The following KIF26B variants were observed in gnomAD, a reference collection of about 807,000 sequenced individuals.
KIF26B encodes kinesin-like protein KIF26B.
Under a neutral mutation model 151.2 loss-of-function variants are expected in KIF26B, and 63 were observed. The ratio of observed to expected loss-of-function variants is 0.42; its 90% CI spans 0.34 to 0.51. KIF26B has a LOEUF of 0.51. KIF26B is among the 20% of genes least tolerant of loss of function. The probability of loss-of-function intolerance (pLI) is 0.07; values close to 1 mark genes in which losing one functional copy is unlikely to be tolerated. For synonymous variants in KIF26B, 1,357 were observed against 1,262.1 expected, an observed-to-expected ratio of 1.08 and a Z score of -1.59; for missense variants, 2,813 against 2,913.6, an observed-to-expected ratio of 0.97 and a Z score of 0.79.
At chr1:245,314,792 C>T (rs948427676) in intron 2 of KIF26B, among the ~76,000 whole-genome samples, 3 of 152,188 alleles carry the variant, frequency 2.0e-5, no homozygotes, top group Non-Finnish European at 4.4e-5. Flanking sequence ...GAAGAAACGT[C>T]TTACATTTTC....
chr1:245,487,106 G>A (rs371139006), intron 4 of KIF26B, among the ~76,000 whole-genome samples: 89 of 152,128 alleles, frequency 5.9e-4, no homozygotes, highest in African/African-American at 2.1e-3. Context: ...GAATGGGGGG[G>A]GTGGTTAGAG....
chr1:245,665,338 T>A (rs1459323288), intron 10 of KIF26B, among the ~76,000 whole-genome samples: 3 of 152,086 alleles, frequency 2.0e-5, no homozygotes, highest in Non-Finnish European at 2.9e-5. Flanking sequence ...ACTGGAGTAC[T>A]TTTTTTGTAG....
At chr1:245,421,235 G>A (rs1658481336) in intron 4 of KIF26B, among the ~76,000 whole-genome samples, 1 of 152,168 alleles carries the variant, frequency 6.6e-6, no homozygotes, top group African/African-American at 2.4e-5. Context: ...AAGCTCCTAG[G>A]AGGTTATTAG....
intron 9 of KIF26B, among the ~76,000 whole-genome samples, chr1:245,635,249 G>T (rs1449317920): frequency 2.0e-5 from 3 of 151,878 alleles, no homozygotes; most frequent in African/African-American, 7.3e-5. Flanking sequence ...ATTCACCAGT[G>T]CCTCCATCTG....
At chr1:245,309,503 G>T (rs1023914558) in intron 2 of KIF26B, among the ~76,000 whole-genome samples, 1 of 151,910 alleles carries the variant, frequency 6.6e-6, no homozygotes, top group Non-Finnish European at 1.5e-5. Flanking sequence ...GACGCCATCG[G>T]GTCTCCTGGT....
At chr1:245,309,263 C>A (rs1488824367) in intron 2 of KIF26B, among the ~76,000 whole-genome samples, 5 of 152,058 alleles carry the variant, frequency 3.3e-5, no homozygotes, top group Non-Finnish European at 7.4e-5. Context: ...CGCGGGATGC[C>A]CAGATATTTG....
rs1170038639 is a variant in KIF26B, at chr1:245,318,476, T to C, written c.466-48358T>C. On this transcript the variant is annotated intron_variant, in intron 2 of 14. Coordinates refer to ENST00000407071, the MANE Select transcript of KIF26B (RefSeq NM_018012.4). This position sits in a 1 kb window ranked among gnomAD's most constrained non-coding sequence, Gnocchi z 4.0. ...TTGCCCTGAGGAATATACAAGTTGA[T>C]AGGGCTACTTGCCTTCTTGCTCATT... Among the ~76,000 whole-genome samples the C allele has an allele frequency of 6.6e-6, 1 of 152,180 alleles. No individual in the cohort carries two copies. Among genetic ancestry groups the C allele is most frequent in the African/African-American group, 2.4e-5 (1 of 41,448 alleles).
intron 2 of KIF26B, among the ~76,000 whole-genome samples, chr1:245,270,956 A>G (rs35758555): frequency 0.066 from 9,993 of 152,236 alleles, 375 homozygotes; most frequent in African/African-American, 0.086. Context: ...TAAGGATCCA[A>G]TGCTTCTTTT....
At position 245,218,105 on chromosome 1, in the gene KIF26B, T is replaced by C. The variant is rs1669685288; in HGVS notation, c.465+61422T>C. Among the ~76,000 whole-genome samples, 1 of 152,232 alleles carries C rather than the reference T, an allele frequency of 6.6e-6. No homozygotes were observed. The highest frequency in any genetic ancestry group is 1.5e-5 in the Non-Finnish European group (1 of 68,032). On this transcript the variant is annotated intron_variant, in intron 2 of 14. Coordinates refer to ENST00000407071, the MANE Select transcript of KIF26B (RefSeq NM_018012.4). The surrounding 1 kb of genome is among the most constrained non-coding windows in gnomAD (Gnocchi z 4.1). ...AAGAGAGCCCACCTACAGTCCAGCA[T>C]GTCTGGATCCTGTGCAGCGGGCAGA...
intron 2 of KIF26B, among the ~76,000 whole-genome samples, chr1:245,266,828 T>C (rs940971461): frequency 2.0e-5 from 3 of 152,180 alleles, no homozygotes; most frequent in African/African-American, 7.2e-5. Flanking sequence ...TCTAATTGTG[T>C]GCCCCTGAGC....
chr1:245,428,756 G>C (rs918322414), intron 4 of KIF26B, among the ~76,000 whole-genome samples: 1 of 152,090 alleles, frequency 6.6e-6, no homozygotes, highest in Non-Finnish European at 1.5e-5. Context: ...TCTGACTGGC[G>C]GCCGGTTGGG....
chr1:245,236,118 CG>C (rs1670105152), intron 2 of KIF26B, among the ~76,000 whole-genome samples: 1 of 151,954 alleles, frequency 6.6e-6, no homozygotes, highest in South Asian at 2.1e-4. Context: ...TTAGTCGAGA[CG>C]GGGTTTCACC....
At chr1:245,192,000 A>C (rs758632491) in intron 2 of KIF26B, among the ~76,000 whole-genome samples, 5 of 152,200 alleles carry the variant, frequency 3.3e-5, no homozygotes, top group Non-Finnish European at 7.3e-5. Context: ...TGAACCTTAA[A>C]ATTATTCTTA....
At chr1:245,317,308 C>A (rs1334007908) in intron 2 of KIF26B, among the ~76,000 whole-genome samples, 1 of 152,192 alleles carries the variant, frequency 6.6e-6, no homozygotes, top group Non-Finnish European at 1.5e-5. Context: ...ATATCCCTTA[C>A]ATTTTTCTTG....
chr1:245,215,636 T>A lies in KIF26B; in HGVS notation c.465+58953T>A, dbSNP rs1188245455. ...CCCAGGCCTTATGCTGGGCTCGGGGTGTGGAAAATGGAATCGAAGCTGGTC... is the reference window on the plus strand; with the variant it reads ...CCCAGGCCTTATGCTGGGCTCGGGGAGTGGAAAATGGAATCGAAGCTGGTC... On this transcript the variant is annotated intron_variant, in intron 2 of 14. Transcript: ENST00000407071. 3.3e-5 allele frequency among the ~76,000 whole-genome samples: 5 copies of A among 151,946 alleles called. No homozygotes were observed. The East Asian group carries it at 9.7e-4, about 29-fold the overall frequency.
intron 2 of KIF26B, among the ~76,000 whole-genome samples, chr1:245,329,599 C>T (rs1471653498): frequency 2.0e-5 from 3 of 152,128 alleles, no homozygotes; most frequent in Admixed American, 1.3e-4. Context: ...TGGCTGGAGG[C>T]CGCCATGACA....
At chr1:245,272,499 T>C (rs1382236992) in intron 2 of KIF26B, among the ~76,000 whole-genome samples, 1 of 151,952 alleles carries the variant, frequency 6.6e-6, no homozygotes, top group Non-Finnish European at 1.5e-5. Context: ...CTATTGTTTT[T>C]ATATTTTCTA....
Position 245,540,717 on chromosome 1 carries a change from GAT to G in KIF26B, c.1167-49_1167-48del. ...AAGAGAAAACGAAGTAAGCCTAGCAGATCTGATCGTACAATCATTTTCCCCTT... is the reference window on the plus strand; with the variant it reads ...AAGAGAAAACGAAGTAAGCCTAGCAGCTGATCGTACAATCATTTTCCCCTT... On this transcript the variant is annotated intron_variant, in intron 4 of 14. Transcript: ENST00000407071. The surrounding 1 kb of genome is among the most constrained non-coding windows in gnomAD (Gnocchi z 4.6). The G allele has an allele frequency of 6.6e-7, 1 of 1,513,616 alleles. No individual in the cohort carries two copies. The highest frequency in any genetic ancestry group is 1.7e-4 in the Middle Eastern group (1 of 5,894). 93.8% of individuals were successfully genotyped at this position (1,513,616 alleles called of 1,614,324 possible). A position where few individuals can be genotyped will look rare whatever the true frequency, so the allele number is the denominator to read the frequency against.
chr1:245,259,486 G>A (rs12023945), intron 2 of KIF26B, among the ~76,000 whole-genome samples: 5 of 152,160 alleles, frequency 3.3e-5, no homozygotes, highest in East Asian at 3.9e-4. Flanking sequence ...GAATAAGGCC[G>A]GAGGAAGTGA....
Sources: gnomAD v4.1 joint callset for allele counts (sites outside exome capture counted in the v4.1 genomes callset) on GRCh38, gnomAD v4.1.1 for gene constraint, Gnocchi (gnomAD v3.1) non-coding constraint, MANE v1.5 for transcripts, NCBI Gene and HGNC (gene_info 2026-07-23, HGNC 2026-07-21) for gene names.